RNMT: variants seen among roughly 807,000 people sequenced by gnomAD.
The protein encoded by RNMT is RNA guanine-7 methyltransferase, also known as mRNA cap guanine-N(7) methyltransferase.
RNMT carries 27 observed loss-of-function variants against 56.0 expected under a neutral mutation model. The observed-to-expected ratio is 0.48, with a 90% CI of 0.36 to 0.67. RNMT has a LOEUF of 0.67. Ranked by LOEUF, RNMT falls within the 30% of genes least tolerant of loss-of-function variation. The pLI is 0.00. For missense variants in RNMT, 519 were observed against 552.1 expected, an observed-to-expected ratio of 0.94 and a Z score of 0.60; for synonymous variants, 184 against 176.2, an observed-to-expected ratio of 1.04 and a Z score of -0.35.
Position 13,762,175 on chromosome 18 carries a change from A to G in RNMT, c.*2196A>G. 6.6e-7 allele frequency: 1 copy of G among 1,522,996 alleles called. No individual in the cohort carries two copies. Among genetic ancestry groups the G allele is most frequent in the Non-Finnish European group, 8.8e-7 (1 of 1,140,686 alleles). The allele number at this position is 1,522,996 out of a possible 1,614,324, so 94.3% of individuals were successfully genotyped here. A position where few individuals can be genotyped will look rare whatever the true frequency, so the allele number is the denominator to read the frequency against. On this transcript the variant is annotated 3_prime_UTR_variant, in exon 12 of 12. Coordinates refer to ENST00000383314, the MANE Select transcript of RNMT (RefSeq NM_003799.3). ...TTATCCTCTGAGAATGGAATTGGAA[A>G]TGAAGACCTAACCAGCTATTGGTGG...
chr18:13,749,295 A>G (rs2044401754), intron 9 of RNMT, among the ~76,000 whole-genome samples: 1 of 152,214 alleles, frequency 6.6e-6, no homozygotes, highest in African/African-American at 2.4e-5. Flanking sequence ...TGGTAAAACT[A>G]CAATATGTGG....
At chr18:13,732,084 CT>C in intron 3 of RNMT, 150 bp downstream of exon 3, 1 of 546,488 alleles carries the variant, frequency 1.8e-6, no homozygotes, top group Non-Finnish European at 3.0e-6. Flanking sequence ...GCTTTTAACT[CT>C]TATGATTTCT....
chr18:13,729,786 A>G (rs186741173), intron 1 of RNMT, among the ~76,000 whole-genome samples: 4 of 151,878 alleles, frequency 2.6e-5, no homozygotes, highest in African/African-American at 9.7e-5. Context: ...TTTAAGCACA[A>G]ACACTTCCTT....
At position 13,728,731 on chromosome 18, in the gene RNMT, T is replaced by C. The variant is rs1717902945; in HGVS notation, c.-171-1896T>C. 1.3e-5 allele frequency among the ~76,000 whole-genome samples: 2 copies of C among 152,192 alleles called. 1 individual carries two copies. Among genetic ancestry groups the C allele is most frequent in the South Asian group, 4.1e-4 (2 of 4,832 alleles). On this transcript the variant is annotated intron_variant, in intron 1 of 11. Transcript: ENST00000383314. Reference sequence around the variant, plus strand: ...GTTTTGACTTGCATTTCCCTGATATTACTGATATTGAGCATTTTTTACGTA... The same window carrying C: ...GTTTTGACTTGCATTTCCCTGATATCACTGATATTGAGCATTTTTTACGTA...
At chr18:13,732,048 A>T (rs1309311461) in intron 3 of RNMT, 114 bp downstream of exon 3, 4 of 865,766 alleles carry the variant, frequency 4.6e-6, no homozygotes, top group South Asian at 2.2e-5. Flanking sequence ...TCTATTTTTA[A>T]TAGATATGGT....
chr18:13,762,080 G>A lies in RNMT; in HGVS notation c.*2101G>A, dbSNP rs566156796. 166 of 1,536,014 alleles carry A rather than the reference G, an allele frequency of 1.1e-4. 2 individuals carry two copies. In the South Asian group the frequency reaches 1.4e-3, roughly 13 times the overall value. On this transcript the variant is annotated 3_prime_UTR_variant, in exon 12 of 12. Transcript: ENST00000383314. ...TATGAGGGAGGCATGGCTTTCCACC[G>A]TCGGGCCAGGAAGAGCACCTGTTGC...
At chr18:13,731,974 G>T (rs781775283) in intron 3 of RNMT, 40 bp downstream of exon 3, 12 of 1,492,374 alleles carry the variant, frequency 8.0e-6, no homozygotes, top group Admixed American at 6.6e-5. Flanking sequence ...AATAGAATAT[G>T]TAAGTTTGAA....
chr18:13,757,317 T>A (rs557650595), intron 11 of RNMT, among the ~76,000 whole-genome samples: 1 of 152,210 alleles, frequency 6.6e-6, no homozygotes, highest in African/African-American at 2.4e-5. Context: ...TGATTGACCA[T>A]TCTTTCACAG....
At chr18:13,740,070 A>G in intron 5 of RNMT, 97 bp from the exon 6 acceptor site, 2 of 758,306 alleles carry the variant, frequency 2.6e-6, no homozygotes, top group East Asian at 2.7e-5. Context: ...CACTGGTACT[A>G]AGGCTGACTT....
intron 2 of RNMT, 120 bp from the exon 3 acceptor site, chr18:13,731,356 C>T (rs907847013): frequency 1.8e-5 from 9 of 501,390 alleles, no homozygotes; most frequent in Non-Finnish European, 2.8e-5. Context: ...TGCAGTGAGC[C>T]GAGATCATGC....
chr18:13,761,153 A>G lies in RNMT; in HGVS notation c.*1174A>G, dbSNP rs1299446820. ...AAACATAGTGTCTTCATTAGTGTGC[A>G]TCTATTAACTGTTCATGGTGTTAGA... On this transcript the variant is annotated 3_prime_UTR_variant, in exon 12 of 12. Transcript: ENST00000383314. 1.0e-6 allele frequency: 1 copy of G among 985,350 alleles called. No homozygotes were observed. Among genetic ancestry groups the G allele is most frequent in the Admixed American group, 6.1e-5 (1 of 16,266 alleles). The allele number at this position is 985,350 out of a possible 1,614,324, so 61.0% of individuals were successfully genotyped here.
chr18:13,731,986 T>A (rs756173860), intron 3 of RNMT, 52 bp downstream of exon 3: 1 of 1,405,952 alleles, frequency 7.1e-7, no homozygotes, highest in Non-Finnish European at 9.7e-7. Context: ...AAGTTTGAAA[T>A]GTGGAACACC....
intron 5 of RNMT, among the ~76,000 whole-genome samples, chr18:13,739,064 T>G (rs2044211374): frequency 6.6e-6 from 1 of 152,186 alleles, no homozygotes; most frequent in South Asian, 2.1e-4. Flanking sequence ...CAGGTTCACT[T>G]TGTTCATTTT....
Position 13,761,674 on chromosome 18 carries a change from G to A in RNMT, c.*1695G>A. 1.7e-5 allele frequency: 18 copies of A among 1,035,880 alleles called. No individual in the cohort carries two copies. The highest frequency in any genetic ancestry group is 2.1e-5 in the Non-Finnish European group (18 of 861,338). The allele number at this position is 1,035,880 out of a possible 1,614,324, so 64.2% of individuals were successfully genotyped here. ...TAAGGCCTTCAGTGAACAGAAAGGA[G>A]CAGAGAGCAAGATTAGATCTGAGAA... On this transcript the variant is annotated 3_prime_UTR_variant, in exon 12 of 12. Transcript: ENST00000383314.
At chr18:13,753,852 A>ACACACACACAC (rs1294785629) in intron 10 of RNMT, among the ~76,000 whole-genome samples, 11 of 93,328 alleles carry the variant, frequency 1.2e-4, no homozygotes, top group Admixed American at 2.8e-4. Context: ...CACACACACA[A>ACACACACACAC]TGCCCTCTTC....
Position 13,736,938 on chromosome 18 carries a change from T to TAGAGG in RNMT, c.554-71_554-67dup, listed in dbSNP as rs568666243. The TAGAGG allele has an allele frequency of 1.5e-4, 197 of 1,345,552 alleles. No individual in the cohort carries two copies. The African/African-American group carries it at 2.5e-3, about 17-fold the overall frequency. 83.4% of individuals were successfully genotyped at this position (1,345,552 alleles called of 1,614,324 possible). A position where few individuals can be genotyped will look rare whatever the true frequency, so the allele number is the denominator to read the frequency against. ...TATTGGGCAAAAGATAGTAGGTTAT[T>TAGAGG]AGAGGTAACAGTTTATACTTCAGTA... On this transcript the variant is annotated intron_variant, in intron 4 of 11. Transcript: ENST00000383314.
At position 13,764,255 on chromosome 18, in the gene RNMT, A is replaced by G. The variant is rs2044653175; in HGVS notation, c.*4276A>G. On this transcript the variant is annotated 3_prime_UTR_variant, in exon 12 of 12. Transcript: ENST00000383314. ...TATTAAAGTGTAACTATAGAAACAC[A>G]TCAATGATTTTTCACAAGTGGAGCA... 2 of 152,180 alleles carry G rather than the reference A, an allele frequency of 1.3e-5. No homozygotes were observed. Among genetic ancestry groups the G allele is most frequent in the Non-Finnish European group, 1.5e-5 (1 of 68,022 alleles). The allele number at this position is 152,180 out of a possible 1,614,324, so 9.4% of individuals were successfully genotyped here.
Position 13,761,862 on chromosome 18 carries a change from CA to C in RNMT, c.*1885del. The C allele has an allele frequency of 8.8e-7, 1 of 1,141,934 alleles. No homozygotes were observed. The allele number at this position is 1,141,934 out of a possible 1,614,324, so 70.7% of individuals were successfully genotyped here. A position where few individuals can be genotyped will look rare whatever the true frequency, so the allele number is the denominator to read the frequency against. On this transcript the variant is annotated 3_prime_UTR_variant, in exon 12 of 12. Coordinates refer to ENST00000383314, the MANE Select transcript of RNMT (RefSeq NM_003799.3). ...CCCTACACCCCCCTCCCCCCGGCCC[CA>C]AGCCCCTGTGTCTCCTTGTTACAAT...
At chr18:13,734,626 T>G in intron 4 of RNMT, 27 bp downstream of exon 4, 1 of 1,550,524 alleles carries the variant, frequency 6.4e-7, no homozygotes, top group Non-Finnish European at 8.7e-7. Flanking sequence ...AGCTACTGAG[T>G]CTTTAATTCC....
Sources: allele counts gnomAD v4.1 joint callset (sites outside exome capture counted in the v4.1 genomes callset), GRCh38; gene constraint gnomAD v4.1.1; transcripts MANE v1.5; gene names NCBI Gene and HGNC (gene_info 2026-07-23, HGNC 2026-07-21).